The following CNGA2 variants were observed in gnomAD, a reference collection of about 807,000 sequenced individuals.
The protein encoded by CNGA2 is cyclic nucleotide gated channel subunit alpha 2, also known as cyclic nucleotide-gated channel alpha-2.
CNGA2 carries 22 observed loss-of-function variants against 35.9 expected under a neutral mutation model. The ratio of observed to expected loss-of-function variants is 0.61; its 90% CI spans 0.44 to 0.88. CNGA2 has a LOEUF of 0.88. Among genes scored for constraint, CNGA2 ranks in the 40% least tolerant of loss-of-function variants. The probability of loss-of-function intolerance (pLI) is 0.00; values close to 1 mark genes in which losing one functional copy is unlikely to be tolerated. For synonymous variants in CNGA2, 217 were observed against 209.2 expected (o/e 1.04, Z -0.32); for missense variants, 555 against 530.8 (o/e 1.05, Z -0.45).
rs1220549518 is a variant in CNGA2, at chrX:151,743,836, C to T, written c.1333C>T (p.His445Tyr). The change falls in exon 7 of 7, where the codon CAC (histidine) becomes TAC (tyrosine). Residue 445 changes from histidine to tyrosine, a missense_variant. Coordinates refer to ENST00000329903, the MANE Select transcript of CNGA2 (RefSeq NM_005140.3). ...CAGGGCTGAGATAGCCATCAATGTC[C>T]ACTTGTCCACACTCAAGAAAGTGCG... ...KLRAEIAINVHLSTLKKVRIF... is the reference protein window; with the variant it reads ...KLRAEIAINVYLSTLKKVRIF... 2.1e-5 allele frequency: 25 copies of T among 1,209,703 alleles called. 1 individual carries two copies. In the Admixed American group the frequency reaches 5.3e-4, roughly 25 times the overall value.
chrX:151,736,928 G>A (rs1308250806), intron 1 of CNGA2, among the ~76,000 whole-genome samples: 2 of 111,737 alleles, frequency 1.8e-5, no homozygotes, highest in African/African-American at 6.5e-5. Context: ...TGTTTGCATT[G>A]CCTGAAACTT....
rs769531682 is a variant in CNGA2 at position 151,744,221 on chromosome X, G to A, written c.1718G>A (p.Arg573Lys). 27 of 1,210,765 alleles carry A rather than the reference G, an allele frequency of 2.2e-5. No individual in the cohort carries two copies. The highest frequency in any genetic ancestry group is 3.0e-5 in the Non-Finnish European group (27 of 895,365). ...YPDAKKVLEERGREILMKEGL... is the reference protein window; with the variant it reads ...YPDAKKVLEEKGREILMKEGL... ...GATGCCAAGAAAGTCCTAGAAGAGA[G>A]GGGTCGGGAGATCCTCATGAAGGAG... Residue 573 changes from arginine to lysine, a missense_variant, in exon 7 of 7, where the codon AGG becomes AAG. Coordinates refer to ENST00000329903, the MANE Select transcript of CNGA2 (RefSeq NM_005140.3).
Position 151,743,266 on chromosome X carries a change from C to T in CNGA2, c.763C>T (p.Arg255Cys), listed in dbSNP as rs748747201. 3.9e-5 allele frequency: 47 copies of T among 1,203,425 alleles called. No homozygotes were observed. The highest frequency in any genetic ancestry group is 2.3e-4 in the Middle Eastern group (1 of 4,368). The change falls in exon 7 of 7, where the codon CGC becomes TGC. Residue 255 changes from arginine to cysteine, a missense_variant. Transcript: ENST00000329903. ...VRFNRLLHFA[R>C]MFEFFDRTET... ...CTTCAACCGCCTGCTGCACTTTGCC[C>T]GCATGTTTGAGTTCTTTGACCGGAC...
rs780405357 is a variant in CNGA2, at chrX:151,738,470, G to A, written c.-14G>A. 2.5e-6 allele frequency: 3 copies of A among 1,193,918 alleles called. No homozygotes were observed. Among genetic ancestry groups the A allele is most frequent in the Non-Finnish European group, 1.1e-6 (1 of 880,248 alleles). On this transcript the variant is annotated 5_prime_UTR_variant, in exon 2 of 7. Coordinates refer to ENST00000329903, the MANE Select transcript of CNGA2 (RefSeq NM_005140.3). ...CTCTTCCTGGCAGATAAGTGCTCTG[G>A]TTGTACATGGAGGATGACCGAAAAA...
intron 5 of CNGA2, 104 bp from the exon 6 acceptor site, chrX:151,742,432 C>A: frequency 1.8e-6 from 1 of 548,521 alleles, no homozygotes; most frequent in Non-Finnish European, 3.0e-6. Flanking sequence ...AATGATGCCC[C>A]TGGTAGCCAT....
intron 6 of CNGA2, among the ~76,000 whole-genome samples, 163 bp downstream of exon 6, chrX:151,742,805 TC>T (rs111798706): frequency 5.9e-5 from 6 of 100,941 alleles, no homozygotes; most frequent in African/African-American, 2.2e-4. Context: ...GGTTTTGATC[TC>T]GGGGTGTTCT....
chrX:151,744,667 C>A lies in CNGA2; in HGVS notation c.*169C>A. The stretch of plus-strand genomic sequence containing the variant: ...GCCTAAACATCCAAGATTCCGCCTC[C>A]AAGTTTAGCCCAAGTTTGTGGAGAG... On this transcript the variant is annotated 3_prime_UTR_variant, in exon 7 of 7. Transcript: ENST00000329903. 2.3e-6 allele frequency: 1 copy of A among 443,079 alleles called. No individual in the cohort carries two copies. Among genetic ancestry groups the A allele is most frequent in the Non-Finnish European group, 3.7e-6 (1 of 266,953 alleles). The allele number at this position is 443,079 out of a possible 1,213,427, so 36.5% of individuals were successfully genotyped here. A position where few individuals can be genotyped will look rare whatever the true frequency, so the allele number is the denominator to read the frequency against.
intron 5 of CNGA2, 69 bp downstream of exon 5, chrX:151,740,970 CA>C: frequency 1.2e-6 from 1 of 805,140 alleles, no homozygotes; most frequent in Non-Finnish European, 1.9e-6. Flanking sequence ...ATTGACGGCG[CA>C]GCAGTCCCTG....
chrX:151,744,679 A>G lies in CNGA2; in HGVS notation c.*181A>G. ...AAGATTCCGCCTCCAAGTTTAGCCC[A>G]AGTTTGTGGAGAGTACAGACTGCGT... On this transcript the variant is annotated 3_prime_UTR_variant, in exon 7 of 7. Transcript: ENST00000329903. 1 of 429,658 alleles carries G rather than the reference A, an allele frequency of 2.3e-6. No individual in the cohort carries two copies. Among genetic ancestry groups the G allele is most frequent in the East Asian group, 3.8e-5 (1 of 26,638 alleles). 35.4% of individuals were successfully genotyped at this position (429,658 alleles called of 1,213,427 possible). A position where few individuals can be genotyped will look rare whatever the true frequency, so the allele number is the denominator to read the frequency against.
chrX:151,737,852 T>A (rs2015263367), intron 1 of CNGA2, among the ~76,000 whole-genome samples: 1 of 104,238 alleles, frequency 9.6e-6, no homozygotes, highest in Admixed American at 1.0e-4. Flanking sequence ...CCCAAAGCCC[T>A]GGCCCAAGGG....
intron 6 of CNGA2, 151 bp from the exon 7 acceptor site, chrX:151,742,942 G>GTATATGTATATATATATGTATATA (rs1213632545): frequency 1.9e-5 from 1 of 53,683 alleles, no homozygotes; most frequent in Non-Finnish European, 3.0e-5. Flanking sequence ...ATATATATAT[G>GTATATGTATATATATATGTATATA]TATATGTATA....
At chrX:151,740,956 C>T (rs1042599661) in intron 5 of CNGA2, 55 bp downstream of exon 5, 73 of 900,079 alleles carry the variant, frequency 8.1e-5, no homozygotes, top group East Asian at 2.2e-4. Flanking sequence ...CTTCAGACCC[C>T]GGGATTGACG....
At chrX:151,735,839 CTT>C (rs2015242069) in intron 1 of CNGA2, among the ~76,000 whole-genome samples, 1 of 110,975 alleles carries the variant, frequency 9.0e-6, no homozygotes, top group East Asian at 2.8e-4. Context: ...TGCTCTATCT[CTT>C]GTCTGTCCCC....
rs2015333432 is a variant in CNGA2 at position 151,743,110 on chromosome X, C to T, written c.607C>T (p.Leu203=). 8.6e-7 allele frequency: 1 copy of T among 1,162,349 alleles called. No homozygotes were observed. The highest frequency in any genetic ancestry group is 1.2e-6 in the Non-Finnish European group (1 of 868,734). The change falls in exon 7 of 7, where the codon CTG becomes TTG. Residue 203 remains leucine (L), a synonymous_variant. Transcript: ENST00000329903. ...TCTACTAGGTTTCCTGGAGCAGGGG[C>T]TGCTGGTCAAAGATACCAAGAAACT... ...RLRTGFLEQG[L]LVKDTKKLRD...
chrX:151,735,809 C>G (rs1359390894), intron 1 of CNGA2, among the ~76,000 whole-genome samples: 5 of 111,231 alleles, frequency 4.5e-5, no homozygotes, highest in Non-Finnish European at 7.5e-5. Flanking sequence ...TGCTCAGTCT[C>G]TTAGAAAGAC....
rs770792204 is a variant in CNGA2, at chrX:151,738,507, G to A, written c.24G>A (p.Val8=). Residue 8 remains valine, a synonymous_variant, in exon 2 of 7, where the codon GTG becomes GTA. Transcript: ENST00000329903. The part of the protein sequence containing the change: MTEKTNG[V]KSSPANNHNH... ...GGATGACCGAAAAAACCAATGGTGT[G>A]AAGAGCTCCCCAGCCAATAATCACA... The A allele has an allele frequency of 8.3e-7, 1 of 1,211,442 alleles. No homozygotes were observed.
rs757491877 is a variant in CNGA2 at position 151,743,236 on chromosome X, G to T, written c.733G>T (p.Val245Leu). Residue 245 changes from valine to leucine, a missense_variant, in exon 7 of 7, where the codon GTG becomes TTG. By Grantham distance (32) the Val-to-Leu change is conservative (BLOSUM62 1). Coordinates refer to ENST00000329903, the MANE Select transcript of CNGA2 (RefSeq NM_005140.3). Reference sequence around the variant, plus strand: ...TGCTGTGGACATCCACAGCCCTGAGGTGCGCTTCAACCGCCTGCTGCACTT... The same window carrying T: ...TGCTGTGGACATCCACAGCCCTGAGTTGCGCTTCAACCGCCTGCTGCACTT... ...YFAVDIHSPE[V>L]RFNRLLHFAR... The T allele has an allele frequency of 1.7e-6, 2 of 1,207,034 alleles. No individual in the cohort carries two copies.
At chrX:151,738,945 C>T (rs28650278) in intron 3 of CNGA2, 66 bp downstream of exon 3, 75,610 of 889,445 alleles carry the variant, frequency 0.085, 2,356 homozygotes, top group Middle Eastern at 0.14. Flanking sequence ...GTGGCTACCA[C>T]TGCCCTCCTC....
Position 151,742,582 on chromosome X carries a change from G to C in CNGA2, c.529G>C (p.Val177Leu). ...GAAAGGCTACTACCTGGTGTGGCTG[G>C]TGCTGGATTATGTCTCAGATGTGGT... ...LQKGYYLVWL[V>L]LDYVSDVVYI... is the part of the protein sequence containing the mutation. The change falls in exon 6 of 7, where the codon GTG (valine) becomes CTG (leucine). Residue 177 changes from valine (V) to leucine (L), a missense_variant. Physicochemically the swap from Val to Leu is conservative, Grantham distance 32. Coordinates refer to ENST00000329903, the MANE Select transcript of CNGA2 (RefSeq NM_005140.3). 3 of 1,210,551 alleles carry C rather than the reference G, an allele frequency of 2.5e-6. No homozygotes were observed. The South Asian group carries it at 5.3e-5, about 21-fold the overall frequency.
Sources: gnomAD v4.1 joint callset for allele counts (sites outside exome capture counted in the v4.1 genomes callset) on GRCh38, gnomAD v4.1.1 for gene constraint, MANE v1.5 for transcripts, NCBI Gene and HGNC (gene_info 2026-07-23, HGNC 2026-07-21) for gene names.